Variants in CLOCK observed in about 807,000 individuals in gnomAD.
CLOCK encodes the protein clock circadian regulator.
In CLOCK, 43 loss-of-function variants were observed where a neutral mutation model predicts 118.4. The observed-to-expected ratio is 0.36, with a 90% CI of 0.28 to 0.47. The LOEUF (loss-of-function observed/expected upper bound fraction) is 0.47. Among genes scored for constraint, CLOCK ranks in the 20% least tolerant of loss-of-function variants. The pLI, the probability that CLOCK is intolerant of heterozygous loss-of-function variation, is 1.00. For missense variants in CLOCK, 846 were observed against 999.9 expected (o/e 0.85, Z 2.08); for synonymous variants, 326 against 339.2 (o/e 0.96, Z 0.43).
chr4:55,507,225 C>T (rs1023186151), intron 2 of CLOCK, among the ~76,000 whole-genome samples: 12 of 152,016 alleles, frequency 7.9e-5, no homozygotes, highest in African/African-American at 1.4e-4. Context: ...TAAGGTGCGA[C>T]GATCGCTTGA....
At chr4:55,441,254 A>G (rs139922486) in intron 21 of CLOCK, among the ~76,000 whole-genome samples, 6 of 152,312 alleles carry the variant, frequency 3.9e-5, no homozygotes, top group African/African-American at 1.4e-4. Context: ...CCATTACTAA[A>G]AAGTCAAAAA....
chr4:55,440,060 A>G (rs1723232115), intron 21 of CLOCK, among the ~76,000 whole-genome samples: 1 of 152,144 alleles, frequency 6.6e-6, no homozygotes, highest in African/African-American at 2.4e-5. Flanking sequence ...CTTTTTATAA[A>G]ATTACTAGGT....
At chr4:55,479,122 A>G in intron 5 of CLOCK, 159 bp from the exon 6 acceptor site, 1 of 569,288 alleles carries the variant, frequency 1.8e-6, no homozygotes, top group African/African-American at 1.9e-5. Flanking sequence ...TTTGGGCAAT[A>G]ATTTTTCAGC....
chr4:55,453,870 TAA>T, intron 13 of CLOCK, 46 bp from the exon 14 acceptor site: 1 of 1,399,370 alleles, frequency 7.1e-7, no homozygotes, highest in Non-Finnish European at 9.8e-7. Flanking sequence ...TCATATTATA[TAA>T]AGATTGTTTT....
chr4:55,459,123 T>C (rs776208300), intron 10 of CLOCK, 25 bp downstream of exon 10: 5 of 1,490,158 alleles, frequency 3.4e-6, no homozygotes, highest in Middle Eastern at 1.7e-4. Flanking sequence ...TTAAAACACA[T>C]TGTGAGAGAA....
rs938027716 is a variant in CLOCK at position 55,432,279 on chromosome 4, C to T, written c.*3136G>A. On this transcript the variant is annotated 3_prime_UTR_variant, in exon 23 of 23. Transcript: ENST00000513440. ...GGTTTGACACCACTCTAAGGAGCAA[C>T]TTTATTAACCCTTCTAGTTCTCACT... The T allele has an allele frequency of 1.3e-5, 2 of 151,960 alleles. No homozygotes were observed. The highest frequency in any genetic ancestry group is 2.9e-5 in the Non-Finnish European group (2 of 67,990). The allele number at this position is 151,960 out of a possible 1,614,324, so 9.4% of individuals were successfully genotyped here. A position where few individuals can be genotyped will look rare whatever the true frequency, so the allele number is the denominator to read the frequency against.
intron 2 of CLOCK, among the ~76,000 whole-genome samples, chr4:55,491,524 T>G (rs763585820): frequency 1.2e-5 from 1 of 86,790 alleles, no homozygotes; most frequent in Non-Finnish European, 2.8e-5. Context: ...TAAAAAAGTA[T>G]TTTTTTGAGA....
intron 22 of CLOCK, 35 bp from the exon 23 acceptor site, chr4:55,435,629 C>A (rs754387541): frequency 6.2e-7 from 1 of 1,607,676 alleles, no homozygotes; most frequent in Non-Finnish European, 8.5e-7. Flanking sequence ...CATTGCTTTA[C>A]TCCCTTTATG....
intron 1 of CLOCK, chr4:55,545,564 GC>G (rs1731558959): frequency 6.6e-6 from 1 of 152,074 alleles, no homozygotes; most frequent in Non-Finnish European, 1.5e-5. Flanking sequence ...AGGCTAAAAA[GC>G]CTTAAAGTCT....
At chr4:55,482,020 G>GA (rs1726969081) in intron 4 of CLOCK, among the ~76,000 whole-genome samples, 1 of 151,942 alleles carries the variant, frequency 6.6e-6, no homozygotes, top group East Asian at 1.9e-4. Flanking sequence ...CCTTAAGAAA[G>GA]AAAAAAAGAG....
In CLOCK at chr4:55,434,792, G is replaced by A. The variant is rs991225231; in HGVS notation, c.*623C>T. On this transcript the variant is annotated 3_prime_UTR_variant, in exon 23 of 23. Coordinates refer to ENST00000513440, the MANE Select transcript of CLOCK (RefSeq NM_004898.4). The stretch of plus-strand genomic sequence containing the variant: ...GAAAGGTGCTCACACCTGTAAGGAA[G>A]AGATAACGCTTTCATGCAGCATACA... 6.4e-6 allele frequency: 1 copy of A among 156,220 alleles called. No homozygotes were observed. Among genetic ancestry groups the A allele is most frequent in the Non-Finnish European group, 1.4e-5 (1 of 70,182 alleles). 9.7% of individuals were successfully genotyped at this position (156,220 alleles called of 1,614,324 possible).
intron 2 of CLOCK, among the ~76,000 whole-genome samples, chr4:55,496,872 A>G (rs1728116832): frequency 6.6e-6 from 1 of 152,216 alleles, no homozygotes; most frequent in African/African-American, 2.4e-5. Context: ...AGTACCCAAT[A>G]TATTATCAAC....
At chr4:55,529,505 T>C (rs998858320) in intron 1 of CLOCK, among the ~76,000 whole-genome samples, 4 of 152,108 alleles carry the variant, frequency 2.6e-5, no homozygotes, top group South Asian at 2.1e-4. Context: ...AAAAAAATCA[T>C]AGTTTATTCA....
At chr4:55,492,779 A>T (rs997524193) in intron 2 of CLOCK, among the ~76,000 whole-genome samples, 11 of 152,178 alleles carry the variant, frequency 7.2e-5, no homozygotes. Flanking sequence ...CAGGAAGCGG[A>T]GGTTGCAGTG....
chr4:55,546,009 G>A (rs1027974980), intron 1 of CLOCK: 1 of 152,234 alleles, frequency 6.6e-6, no homozygotes, highest in Non-Finnish European at 1.5e-5. Flanking sequence ...GGCCGGCAAC[G>A]GCGGCCGTTC....
intron 3 of CLOCK, among the ~76,000 whole-genome samples, chr4:55,488,243 C>T (rs1451255163): frequency 6.6e-6 from 1 of 152,116 alleles, no homozygotes; most frequent in Non-Finnish European, 1.5e-5. Context: ...GCTGGCTGCT[C>T]CTTCTCCTCT....
At chr4:55,529,939 G>C (rs1577862736) in intron 1 of CLOCK, among the ~76,000 whole-genome samples, 1 of 152,108 alleles carries the variant, frequency 6.6e-6, no homozygotes, top group African/African-American at 2.4e-5. Context: ...GAAAACATCT[G>C]TCAAAATACA....
At chr4:55,491,555 A>T (rs372935504) in intron 2 of CLOCK, among the ~76,000 whole-genome samples, 1 of 152,138 alleles carries the variant, frequency 6.6e-6, no homozygotes, top group African/African-American at 2.4e-5. Context: ...AATATACACC[A>T]ACAAATTAGA....
At position 55,431,699 on chromosome 4, in the gene CLOCK, C is replaced by A. The variant is rs1268852248; in HGVS notation, c.*3716G>T. 2.2e-5 allele frequency: 3 copies of A among 135,882 alleles called. No individual in the cohort carries two copies. The highest frequency in any genetic ancestry group is 4.9e-5 in the Non-Finnish European group (3 of 61,516). The allele number at this position is 135,882 out of a possible 1,614,324, so 8.4% of individuals were successfully genotyped here. On this transcript the variant is annotated 3_prime_UTR_variant, in exon 23 of 23. Transcript: ENST00000513440. ...TATTCATCAACAAACTTTCAATTACCAAAGAAACAGAAAGAAAAAAGCAGA... is the reference window on the plus strand; with the variant it reads ...TATTCATCAACAAACTTTCAATTACAAAAGAAACAGAAAGAAAAAAGCAGA...
Sources: gnomAD v4.1 joint callset for allele counts (sites outside exome capture counted in the v4.1 genomes callset) on GRCh38, gnomAD v4.1.1 for gene constraint, MANE v1.5 for transcripts, NCBI Gene and HGNC (gene_info 2026-07-23, HGNC 2026-07-21) for gene names.